TRAF3IP2: variants seen among roughly 807,000 people sequenced by gnomAD.
TRAF3IP2 encodes the protein TRAF3 interacting protein 2.
In TRAF3IP2, 35 loss-of-function variants were observed where a neutral mutation model predicts 57.9. The ratio of observed to expected loss-of-function variants is 0.60; its 90% CI spans 0.46 to 0.80. TRAF3IP2 has a LOEUF of 0.80. Among genes scored for constraint, TRAF3IP2 ranks in the 30% least tolerant of loss-of-function variants. The pLI is 0.00. For synonymous variants in TRAF3IP2, 251 were observed against 268.9 expected, an observed-to-expected ratio of 0.93 and a Z score of 0.65; for missense variants, 556 against 706.4, an observed-to-expected ratio of 0.79 and a Z score of 2.41.
intron 1 of TRAF3IP2, among the ~76,000 whole-genome samples, chr6:111,599,369 T>C (rs1796795279): frequency 6.6e-6 from 1 of 152,182 alleles, no homozygotes; most frequent in Non-Finnish European, 1.5e-5. Flanking sequence ...GATACCTTTC[T>C]CTGGGCTTCT....
intron 2 of TRAF3IP2, among the ~76,000 whole-genome samples, chr6:111,581,777 A>G (rs569232346): frequency 2.6e-5 from 4 of 152,294 alleles, no homozygotes; most frequent in Admixed American, 2.6e-4. Context: ...CAGGAGTTCG[A>G]GACCAGCCTG....
intron 7 of TRAF3IP2, among the ~76,000 whole-genome samples, chr6:111,564,497 TGA>T (rs1795558677): frequency 6.6e-6 from 1 of 152,204 alleles, no homozygotes; most frequent in African/African-American, 2.4e-5. Flanking sequence ...TTCCAGAAAC[TGA>T]GTTTCTGTAA....
intron 1 of TRAF3IP2, chr6:111,597,799 G>A (rs1179776819): frequency 4.4e-6 from 2 of 455,542 alleles, no homozygotes; most frequent in South Asian, 1.6e-5. Flanking sequence ...TGCTTGTTCT[G>A]ACCCGACCCA....
chr6:111,581,685 T>C (rs1796168284), intron 2 of TRAF3IP2, among the ~76,000 whole-genome samples: 1 of 151,750 alleles, frequency 6.6e-6, no homozygotes, highest in Non-Finnish European at 1.5e-5. Context: ...TGGATAAAAA[T>C]TGATTCTTAA....
intron 3 of TRAF3IP2, among the ~76,000 whole-genome samples, chr6:111,577,787 C>G (rs1796035540): frequency 6.6e-6 from 1 of 152,192 alleles, no homozygotes. Flanking sequence ...TCACGGCTCA[C>G]TGCAGCCATG....
chr6:111,599,537 T>C (rs79237376), intron 1 of TRAF3IP2, among the ~76,000 whole-genome samples: 3 of 152,204 alleles, frequency 2.0e-5, no homozygotes, highest in Non-Finnish European at 4.4e-5. Flanking sequence ...CTCTCTTTTT[T>C]AATTTTTTTT....
intron 1 of TRAF3IP2, among the ~76,000 whole-genome samples, chr6:111,604,414 A>C (rs566542247): frequency 5.9e-5 from 9 of 152,250 alleles, no homozygotes; most frequent in Non-Finnish European, 1.3e-4. Context: ...GTCCAGCTAC[A>C]GCAGTAACTC....
At chr6:111,588,163 C>G (rs938958624) in intron 2 of TRAF3IP2, among the ~76,000 whole-genome samples, 2 of 152,122 alleles carry the variant, frequency 1.3e-5, no homozygotes, top group African/African-American at 2.4e-5. Flanking sequence ...GAATTTTGCA[C>G]TTCTTAAATC....
intron 5 of TRAF3IP2, among the ~76,000 whole-genome samples, chr6:111,570,185 AC>A (rs1795786421): frequency 6.6e-6 from 1 of 152,178 alleles, no homozygotes; most frequent in African/African-American, 2.4e-5. Context: ...GATGAAATGA[AC>A]CCTGCTGAAA....
At chr6:111,599,442 ATGTCCATGTGACAATGCTCCCTTGC>A (rs910095198) in intron 1 of TRAF3IP2, among the ~76,000 whole-genome samples, 4 of 152,226 alleles carry the variant, frequency 2.6e-5, no homozygotes, top group African/African-American at 7.2e-5. Context: ...AGCAGCCCTG[ATGTCCATGTGACAATGCTCCCTTGC>A]TGTCCATGTG....
At chr6:111,585,762 C>T (rs1583234694) in intron 2 of TRAF3IP2, among the ~76,000 whole-genome samples, 2 of 152,168 alleles carry the variant, frequency 1.3e-5, no homozygotes, top group African/African-American at 4.8e-5. Context: ...AAATGATTTG[C>T]TAGCATGGTA....
At position 111,556,307 on chromosome 6, in the gene TRAF3IP2, C is replaced by A. The variant is rs184152004; in HGVS notation, c.*3098G>T. On this transcript the variant is annotated 3_prime_UTR_variant, in exon 9 of 9. Transcript: ENST00000368761. ...ACTTTAATGACTCTTTGTGGAACAC[C>A]AGGGACCACTGCTCATCAACCACCT... The A allele has an allele frequency of 4.6e-5, 7 of 152,180 alleles. No homozygotes were observed. In the East Asian group the frequency reaches 1.2e-3, roughly 25 times the overall value. The allele number at this position is 152,180 out of a possible 1,614,324, so 9.4% of individuals were successfully genotyped here. A position where few individuals can be genotyped will look rare whatever the true frequency, so the allele number is the denominator to read the frequency against.
At chr6:111,572,054 T>A (rs1180871082) in intron 5 of TRAF3IP2, among the ~76,000 whole-genome samples, 1 of 152,218 alleles carries the variant, frequency 6.6e-6, no homozygotes, top group Non-Finnish European at 1.5e-5. Context: ...TATTCATAGA[T>A]ATTTCCCTTA....
At chr6:111,569,543 G>A (rs1223250320) in intron 5 of TRAF3IP2, among the ~76,000 whole-genome samples, 1 of 151,602 alleles carries the variant, frequency 6.6e-6, no homozygotes, top group African/African-American at 2.4e-5. Flanking sequence ...CTTGAGGTTA[G>A]GAGTGTGAGA....
chr6:111,584,661 C>T (rs1796275069), intron 2 of TRAF3IP2, among the ~76,000 whole-genome samples: 1 of 148,924 alleles, frequency 6.7e-6, no homozygotes, highest in African/African-American at 2.5e-5. Context: ...AAAAAAGAAA[C>T]AAGAAAAGTT....
At chr6:111,578,677 A>G (rs1417348659) in intron 3 of TRAF3IP2, among the ~76,000 whole-genome samples, 1 of 152,190 alleles carries the variant, frequency 6.6e-6, no homozygotes, top group African/African-American at 2.4e-5. Flanking sequence ...TCTGTCTTGA[A>G]AGAAAATATG....
chr6:111,601,223 G>GC, intron 1 of TRAF3IP2: 1 of 779,022 alleles, frequency 1.3e-6, no homozygotes, highest in South Asian at 1.3e-5. Context: ...ATGGAAGCAG[G>GC]CCACCTGTGT....
intron 5 of TRAF3IP2, among the ~76,000 whole-genome samples, chr6:111,568,280 G>C (rs1318053426): frequency 1.3e-5 from 2 of 152,206 alleles, no homozygotes; most frequent in Non-Finnish European, 2.9e-5. Flanking sequence ...ATGAAAGTCA[G>C]AAGTAGAACT....
In TRAF3IP2 at chr6:111,589,151, C is replaced by T. The variant is rs559642156; in HGVS notation, c.829+2107G>A. Among the ~76,000 whole-genome samples, 6 of 148,354 alleles carry T rather than the reference C, an allele frequency of 4.0e-5. No individual in the cohort carries two copies. In the South Asian group the frequency reaches 1.3e-3, roughly 32 times the overall value. ...TCTCGGCTCACTGTAACCTCTGCCT[C>T]CCAGGTTCAGGCAATTCTTGTGCCT... On this transcript the variant is annotated intron_variant, in intron 2 of 8. Transcript: ENST00000368761.
Sources: gnomAD v4.1 joint callset for allele counts (sites outside exome capture counted in the v4.1 genomes callset) on GRCh38, gnomAD v4.1.1 for gene constraint, MANE v1.5 for transcripts, NCBI Gene and HGNC (gene_info 2026-07-23, HGNC 2026-07-21) for gene names.